Variants in LINC00632 observed in about 807,000 individuals in gnomAD.
The protein encoded by LINC00632 is long independently transcribed non-coding RNA 632.
chrX:140,771,685 A>ATATATT (rs1417040262), intron 3 of LINC00632, among the ~76,000 whole-genome samples: 2 of 61,615 alleles, frequency 3.2e-5, no homozygotes, highest in African/African-American at 1.4e-4. Flanking sequence ...ATATATATAT[A>ATATATT]TTTTTTTTTT....
exon 5 of LINC00632, among the ~76,000 whole-genome samples, chrX:140,788,154 TGAA>T (rs1211146574): frequency 9.2e-6 from 1 of 108,489 alleles, no homozygotes; most frequent in Non-Finnish European, 1.9e-5. Flanking sequence ...AAAAAAAAAT[TGAA>T]GATGATGGTC....
At chrX:140,785,431 TAGCCTGTTGTGAG>T (rs2148406553) in exon 5 of LINC00632, among the ~76,000 whole-genome samples, 1 of 112,459 alleles carries the variant, frequency 8.9e-6, no homozygotes, top group Non-Finnish European at 1.9e-5. Flanking sequence ...TAAACCCGGC[TAGCCTGTTGTGAG>T]AGTCCATGAT....
intron 3 of LINC00632, among the ~76,000 whole-genome samples, chrX:140,735,175 A>G (rs1398932546): frequency 1.8e-5 from 2 of 111,839 alleles, no homozygotes; most frequent in East Asian, 5.6e-4. Context: ...CCTGTCCTTC[A>G]TTTTTATAGA....
At chrX:140,722,891 A>T (rs1387966615) in intron 2 of LINC00632, among the ~76,000 whole-genome samples, 1 of 110,508 alleles carries the variant, frequency 9.0e-6, no homozygotes, top group Non-Finnish European at 1.9e-5. Context: ...CTCTACTAAA[A>T]ATACAAAATT....
intron 2 of LINC00632, among the ~76,000 whole-genome samples, chrX:140,715,883 C>G (rs751079456): frequency 2.0e-4 from 22 of 111,419 alleles, no homozygotes; most frequent in African/African-American, 6.8e-4. Context: ...TGAGACTCAC[C>G]CTAAATGTAC....
chrX:140,745,576 C>T (rs1408812391), intron 3 of LINC00632, among the ~76,000 whole-genome samples: 3 of 111,101 alleles, frequency 2.7e-5, no homozygotes, highest in Non-Finnish European at 3.8e-5. Context: ...ATTGCATTGT[C>T]GATTCAGCCG....
exon 5 of LINC00632, chrX:140,783,916 G>T (rs139383933): frequency 8.3e-7 from 1 of 1,207,697 alleles, no homozygotes; most frequent in South Asian, 1.8e-5. Context: ...GAAAATCTAC[G>T]TCTTCCAAAA....
chrX:140,717,401 C>A (rs1314053934), intron 2 of LINC00632, among the ~76,000 whole-genome samples: 1 of 110,868 alleles, frequency 9.0e-6, no homozygotes. Flanking sequence ...GGCCCCATAC[C>A]ACACAGATTT....
rs1469349606 is a variant in LINC00632, at chrX:140,771,653, A to ATG, written n.192-413_192-412dup. 2.4e-3 allele frequency among the ~76,000 whole-genome samples: 185 copies of ATG among 76,973 alleles called. 4 individuals carry two copies. The highest frequency in any genetic ancestry group is 8.0e-3 in the African/African-American group (155 of 19,344). 66.8% of individuals were successfully genotyped at this position (76,973 alleles called of 115,157 possible). ...CACACACACACACACACATACATATATGTGTGTGTGTGTATATATATATAT... is the reference window on the plus strand; with the variant it reads ...CACACACACACACACACATACATATATGTGTGTGTGTGTGTATATATATATAT... On this transcript the variant is annotated intron_variant and non_coding_transcript_variant, in intron 3 of 4. Coordinates refer to ENST00000648200, the Ensembl canonical transcript of LINC00632.
exon 5 of LINC00632, chrX:140,783,950 A>T (rs922241193): frequency 1.7e-6 from 2 of 1,208,558 alleles, no homozygotes; most frequent in Admixed American, 2.2e-5. Flanking sequence ...CAGAAAATCC[A>T]CATCTTCCAA....
intron 3 of LINC00632, among the ~76,000 whole-genome samples, chrX:140,755,412 G>A (rs1330524510): frequency 8.9e-6 from 1 of 112,065 alleles, no homozygotes; most frequent in Non-Finnish European, 1.9e-5. Flanking sequence ...GAGTTGTTTT[G>A]GAGTGGCTCT....
intron 2 of LINC00632, among the ~76,000 whole-genome samples, chrX:140,731,316 T>C (rs934074267): frequency 1.8e-5 from 2 of 112,031 alleles, no homozygotes; most frequent in Admixed American, 1.9e-4. Context: ...GTTCAGAACA[T>C]AGAATTTAGA....
chrX:140,732,406 C>T (rs1383519943), intron 2 of LINC00632, among the ~76,000 whole-genome samples: 2 of 111,188 alleles, frequency 1.8e-5, no homozygotes, highest in Non-Finnish European at 3.8e-5. Context: ...ATAGATAATA[C>T]CTACCTAAAC....
exon 5 of LINC00632, chrX:140,783,416 ATCTTCCAGGAAAATCCACG>A (rs1931962502): frequency 5.5e-6 from 3 of 543,894 alleles, no homozygotes; most frequent in Non-Finnish European, 8.9e-6. Flanking sequence ...CCAAATCCAG[ATCTTCCAGGAAAATCCACG>A]TCTTCCAGGA....
chrX:140,738,734 A>G (rs1931182000), intron 3 of LINC00632, among the ~76,000 whole-genome samples: 4 of 112,301 alleles, frequency 3.6e-5, no homozygotes, highest in Admixed American at 9.5e-5. Flanking sequence ...TAATATTTTG[A>G]TGATATAGAA....
At chrX:140,734,539 AATACATTTTC>A (rs2148386351) in intron 3 of LINC00632, among the ~76,000 whole-genome samples, 1 of 110,627 alleles carries the variant, frequency 9.0e-6, no homozygotes, top group East Asian at 2.8e-4. Flanking sequence ...TATAATAATG[AATACATTTTC>A]AATATTTAAA....
At chrX:140,732,136 A>G (rs1460792745) in intron 2 of LINC00632, among the ~76,000 whole-genome samples, 2 of 111,085 alleles carry the variant, frequency 1.8e-5, no homozygotes, top group African/African-American at 3.3e-5. Flanking sequence ...CCCGGGAGGC[A>G]GAGGTTGCAG....
intron 2 of LINC00632, among the ~76,000 whole-genome samples, chrX:140,715,176 T>C (rs950798042): frequency 9.0e-6 from 1 of 111,624 alleles, no homozygotes; most frequent in African/African-American, 3.3e-5. Context: ...TGATCCAGGA[T>C]ACCCTCACCC....
chrX:140,719,245 C>T (rs914098028), intron 2 of LINC00632, among the ~76,000 whole-genome samples: 1 of 111,381 alleles, frequency 9.0e-6, no homozygotes, highest in Admixed American at 9.6e-5. Context: ...ACCGACACAC[C>T]CCATATCACC....
Sources: gnomAD v4.1 joint callset for allele counts (sites outside exome capture counted in the v4.1 genomes callset) on GRCh38, gnomAD v4.1.1 for gene constraint, MANE v1.5 for transcripts, NCBI Gene and HGNC (gene_info 2026-07-23, HGNC 2026-07-21) for gene names.